Variants in BUB3 observed in about 807,000 individuals in gnomAD.
BUB3 encodes the protein BUB3 mitotic checkpoint protein.
Under a neutral mutation model 39.9 loss-of-function variants are expected in BUB3, and 22 were observed. The observed-to-expected ratio is 0.55, with a 90% CI of 0.39 to 0.79. BUB3 has a LOEUF of 0.79. Among genes scored for constraint, BUB3 ranks in the 30% least tolerant of loss-of-function variants. The pLI, the probability that BUB3 is intolerant of heterozygous loss-of-function variation, is 0.00. For synonymous variants in BUB3, 168 were observed against 155.1 expected, an observed-to-expected ratio of 1.08 and a Z score of -0.62; for missense variants, 303 against 415.4, an observed-to-expected ratio of 0.73 and a Z score of 2.35.
rs761205710 is a variant in BUB3 at position 123,155,642 on chromosome 10, C to G, written c.196-16C>G. On this transcript the variant is annotated splice_polypyrimidine_tract_variant and intron_variant, in intron 2 of 7. Coordinates refer to ENST00000368865, the MANE Select transcript of BUB3 (RefSeq NM_004725.4). ...CAAAAGTTCTAGTTTTTAAACGGTT[C>G]AAAACTATTTTATAGGATCCAACGC... is the stretch of plus-strand genomic sequence containing the variant. 11 of 1,611,850 alleles carry G rather than the reference C, an allele frequency of 6.8e-6. No individual in the cohort carries two copies. The highest frequency in any genetic ancestry group is 2.2e-5 in the East Asian group (1 of 44,868).
intron 4 of BUB3, among the ~76,000 whole-genome samples, chr10:123,160,006 C>T (rs1444787034): frequency 6.6e-6 from 1 of 152,090 alleles, no homozygotes; most frequent in African/African-American, 2.4e-5. Context: ...AGCCAGAAAC[C>T]CATTAAGCTC....
At position 123,164,450 on chromosome 10, in the gene BUB3, C is replaced by G. The variant is rs1293463949; in HGVS notation, c.*615C>G. On this transcript the variant is annotated 3_prime_UTR_variant, in exon 8 of 8. Coordinates refer to ENST00000368865, the MANE Select transcript of BUB3 (RefSeq NM_004725.4). ...TGCAGAAGGAAAACTAATAAGAAAA[C>G]CTCCTAATATCATTTTGTGACTGTA... is the stretch of plus-strand genomic sequence containing the variant. 2 of 985,446 alleles carry G rather than the reference C, an allele frequency of 2.0e-6. No individual in the cohort carries two copies. The highest frequency in any genetic ancestry group is 2.4e-6 in the Non-Finnish European group (2 of 830,088). 61.0% of individuals were successfully genotyped at this position (985,446 alleles called of 1,614,324 possible). A position where few individuals can be genotyped will look rare whatever the true frequency, so the allele number is the denominator to read the frequency against.
chr10:123,159,112 T>G (rs1007647044), intron 4 of BUB3, among the ~76,000 whole-genome samples: 1 of 152,244 alleles, frequency 6.6e-6, no homozygotes, highest in Non-Finnish European at 1.5e-5. Context: ...GAGTAAGCTA[T>G]GATAAATCTT....
chr10:123,157,986 A>C, intron 4 of BUB3, 106 bp downstream of exon 4: 1 of 1,219,520 alleles, frequency 8.2e-7, no homozygotes, highest in South Asian at 2.2e-5. Context: ...AAAAGTCAAC[A>C]TGGGGGGAAA....
Position 123,165,169 on chromosome 10 carries a change from T to C in BUB3, c.*1334T>C, listed in dbSNP as rs1000290886. On this transcript the variant is annotated 3_prime_UTR_variant, in exon 8 of 8. Transcript: ENST00000368865. ...CTGTGGATTTCTCTGTTTTCTGTCT[T>C]ACAAGAAACTTGTCTATGTACCTTA... 11 of 1,289,212 alleles carry C rather than the reference T, an allele frequency of 8.5e-6. No homozygotes were observed. Among genetic ancestry groups the C allele is most frequent in the Non-Finnish European group, 1.1e-5 (10 of 899,554 alleles). 79.9% of individuals were successfully genotyped at this position (1,289,212 alleles called of 1,614,324 possible).
Position 123,167,116 on chromosome 10 carries a change from TCTA to T in BUB3, c.*3284_*3286del, listed in dbSNP as rs1054294572. 3 of 152,240 alleles carry T rather than the reference TCTA, an allele frequency of 2.0e-5. No individual in the cohort carries two copies. Among genetic ancestry groups the T allele is most frequent in the African/African-American group, 7.2e-5 (3 of 41,466 alleles). The allele number at this position is 152,240 out of a possible 1,614,324, so 9.4% of individuals were successfully genotyped here. ...TTTCCCCAAATTCATTTAAGCCGGT[TCTA>T]CTTTTTCTGGTCTTGTTCCCACAAT... On this transcript the variant is annotated 3_prime_UTR_variant, in exon 8 of 8. Transcript: ENST00000368865.
At position 123,164,360 on chromosome 10, in the gene BUB3, C is replaced by T. The variant is rs1462469897; in HGVS notation, c.*525C>T. ...AGCAGATGGTTCATCATTTCCTGGG[C>T]TGTTAAACAAAGCGAGGTTAAGGTT... On this transcript the variant is annotated 3_prime_UTR_variant, in exon 8 of 8. Transcript: ENST00000368865. 1.0e-5 allele frequency: 10 copies of T among 985,814 alleles called. No individual in the cohort carries two copies. The South Asian group carries it at 2.3e-4, about 23-fold the overall frequency. The allele number at this position is 985,814 out of a possible 1,614,324, so 61.1% of individuals were successfully genotyped here. A position where few individuals can be genotyped will look rare whatever the true frequency, so the allele number is the denominator to read the frequency against.
rs1254529860 is a variant in BUB3 at position 123,169,511 on chromosome 10, T to C, written c.*5676T>C. 2 of 152,220 alleles carry C rather than the reference T, an allele frequency of 1.3e-5. No individual in the cohort carries two copies. Among genetic ancestry groups the C allele is most frequent in the African/African-American group, 4.8e-5 (2 of 41,462 alleles). 9.4% of individuals were successfully genotyped at this position (152,220 alleles called of 1,614,324 possible). ...CCTTTGGTCTTCACAGCCACTGCCC[T>C]GGTAGTAAGGGACTTAGTTAAGTTT... On this transcript the variant is annotated 3_prime_UTR_variant, in exon 8 of 8. Transcript: ENST00000368865.
Position 123,162,749 on chromosome 10 carries a change from A to G in BUB3, c.892A>G (p.Met298Val), listed in dbSNP as rs1844441624. ...TACGCTTGCAATAGCGTCATCATAT[A>G]TGTATGAAATGGATGACACAGAACA... ...GTTLAIASSY[M>V]YEMDDTEHPE... The change falls in exon 7 of 8, where the codon ATG becomes GTG. Residue 298 changes from methionine to valine, a missense_variant. Around this residue, in one of 2 missense-constraint regions of BUB3, gnomAD observed 182 missense variants for 293.1 expected, o/e 0.62. Coordinates refer to ENST00000368865, the MANE Select transcript of BUB3 (RefSeq NM_004725.4). The G allele has an allele frequency of 1.2e-6, 2 of 1,614,038 alleles. No homozygotes were observed. Among genetic ancestry groups the G allele is most frequent in the Non-Finnish European group, 1.7e-6 (2 of 1,179,960 alleles).
rs926659907 is a variant in BUB3 at position 123,166,599 on chromosome 10, C to T, written c.*2764C>T. ...CTAAAAGATTTTTAAAAAATGTATTCTGATGTCATACTTGGAATCCTCCAC... is the reference window on the plus strand; with the variant it reads ...CTAAAAGATTTTTAAAAAATGTATTTTGATGTCATACTTGGAATCCTCCAC... On this transcript the variant is annotated 3_prime_UTR_variant, in exon 8 of 8. Transcript: ENST00000368865. 6.6e-6 allele frequency: 1 copy of T among 152,162 alleles called. No individual in the cohort carries two copies. The highest frequency in any genetic ancestry group is 2.1e-4 in the South Asian group (1 of 4,828). The allele number at this position is 152,162 out of a possible 1,614,324, so 9.4% of individuals were successfully genotyped here.
chr10:123,160,301 C>A, intron 4 of BUB3, 106 bp from the exon 5 acceptor site: 1 of 1,020,676 alleles, frequency 9.8e-7, no homozygotes, highest in Non-Finnish European at 1.4e-6. Flanking sequence ...GGAATTCAGT[C>A]AGCTAATTTT....
intron 4 of BUB3, among the ~76,000 whole-genome samples, chr10:123,158,267 G>T (rs565642741): frequency 2.0e-5 from 3 of 152,246 alleles, no homozygotes; most frequent in African/African-American, 7.2e-5. Context: ...GTTATCTGAG[G>T]TTTCTTTGGG....
chr10:123,163,835 A>G lies in BUB3; in HGVS notation c.987A>G (p.Ter329TrpextTer41), dbSNP rs1174865266. Residue 329 changes from the stop codon to tryptophan, a stop_lost, in exon 8 of 8, where the codon TGA becomes TGG. Coordinates refer to ENST00000368865, the MANE Select transcript of BUB3 (RefSeq NM_004725.4). The stretch of plus-strand genomic sequence containing the variant: ...GAACTTGTAGGTCACCATGTACTTG[A>G]CAAGATTTCATTTACTTAAGTGCCA... The part of the protein sequence containing the change: ...AETKPKSPCT[*>W] The G allele has an allele frequency of 6.2e-7, 1 of 1,608,718 alleles. No homozygotes were observed.
Position 123,164,941 on chromosome 10 carries a change from T to C in BUB3, c.*1106T>C. Reference sequence around the variant, plus strand: ...TTTATTTTATCCGTGATGTATTTTTTTTAATTCTTTTGATACAGAGAAGGG... The same window carrying C: ...TTTATTTTATCCGTGATGTATTTTTCTTAATTCTTTTGATACAGAGAAGGG... On this transcript the variant is annotated 3_prime_UTR_variant, in exon 8 of 8. Transcript: ENST00000368865. The C allele has an allele frequency of 6.7e-7, 1 of 1,497,978 alleles. No individual in the cohort carries two copies. The highest frequency in any genetic ancestry group is 1.5e-5 in the African/African-American group (1 of 68,822). The allele number at this position is 1,497,978 out of a possible 1,614,324, so 92.8% of individuals were successfully genotyped here.
chr10:123,156,858 C>G (rs1324043785), intron 3 of BUB3, among the ~76,000 whole-genome samples: 1 of 151,590 alleles, frequency 6.6e-6, no homozygotes, highest in Non-Finnish European at 1.5e-5. Flanking sequence ...GCAATTCTGC[C>G]TCAGCCTCCC....
Position 123,157,725 on chromosome 10 carries a change from A to G in BUB3, c.266-4A>G, listed in dbSNP as rs773391701. On this transcript the variant is annotated splice_region_variant and splice_polypyrimidine_tract_variant and intron_variant, in intron 3 of 7. Coordinates refer to ENST00000368865, the MANE Select transcript of BUB3 (RefSeq NM_004725.4). ...GGTTTTTTCCCCTTTTTTTTTCTCT[A>G]TAGAAAATCTTGTTGGGACCCATGA... The G allele has an allele frequency of 3.2e-6, 5 of 1,564,714 alleles. No individual in the cohort carries two copies. The highest frequency in any genetic ancestry group is 2.3e-5 in the East Asian group (1 of 43,762).
Position 123,164,096 on chromosome 10 carries a change from A to G in BUB3, c.*261A>G, listed in dbSNP as rs1439151012. 8.6e-7 allele frequency: 1 copy of G among 1,163,224 alleles called. No homozygotes were observed. Among genetic ancestry groups the G allele is most frequent in the Non-Finnish European group, 1.1e-6 (1 of 945,170 alleles). 72.1% of individuals were successfully genotyped at this position (1,163,224 alleles called of 1,614,324 possible). On this transcript the variant is annotated 3_prime_UTR_variant, in exon 8 of 8. Coordinates refer to ENST00000368865, the MANE Select transcript of BUB3 (RefSeq NM_004725.4). ...AGGGCAAGTGACTGCAGTTTTGAGA[A>G]TCAGTTTTGACCTTGATGATTTTTT...
intron 1 of BUB3, 69 bp from the exon 2 acceptor site, chr10:123,154,849 A>G (rs1309814460): frequency 6.6e-7 from 1 of 1,511,940 alleles, no homozygotes; most frequent in East Asian, 2.3e-5. Flanking sequence ...GGGGACCCCC[A>G]GTGCCAGGCT....
At chr10:123,158,223 A>G (rs1844375344) in intron 4 of BUB3, among the ~76,000 whole-genome samples, 1 of 152,220 alleles carries the variant, frequency 6.6e-6, no homozygotes, top group African/African-American at 2.4e-5. Flanking sequence ...ATCCCAAACC[A>G]GAAGATTGGA....
Sources: gnomAD v4.1 joint callset for allele counts (sites outside exome capture counted in the v4.1 genomes callset) on GRCh38, gnomAD v4.1.1 for gene constraint, gnomAD v4.1.1 regional missense constraint, MANE v1.5 for transcripts, NCBI Gene and HGNC (gene_info 2026-07-23, HGNC 2026-07-21) for gene names.